RECQL4: variants seen among roughly 807,000 people sequenced by gnomAD.
The protein encoded by RECQL4 is RecQ like helicase 4.
A neutral mutation model predicts 128.6 loss-of-function variants in RECQL4; 158 were observed. The observed-to-expected ratio is 1.23, with a 90% confidence interval of 1.08 to 1.40. The LOEUF (loss-of-function observed/expected upper bound fraction) is 1.40. Among genes scored for constraint, RECQL4 ranks in the 40% most tolerant of loss-of-function variants. The pLI is 0.00. For missense variants in RECQL4, 2,293 were observed against 1,649.8 expected (o/e 1.39, Z -6.75); for synonymous variants, 996 against 678.9 (o/e 1.47, Z -7.26).
intron 5 of RECQL4, 49 bp from the exon 6 acceptor site, chr8:144,515,939 G>T (rs755070410): frequency 6.2e-7 from 1 of 1,612,238 alleles, no homozygotes. Flanking sequence ...ATACGGGAGG[G>T]CTGAGGGGAG....
Position 144,512,152 on chromosome 8 carries a change from G to A in RECQL4, c.3228C>T (p.Ala1076=), listed in dbSNP as rs1231644122. The A allele has an allele frequency of 4.4e-6, 7 of 1,608,290 alleles. No individual in the cohort carries two copies. The highest frequency in any genetic ancestry group is 4.0e-5 in the African/African-American group (3 of 75,002). The part of the protein sequence containing the change: ...ALARLRRTFQ[A]FHSVAFPSCG... ...GCCCGCCTCCTCCCAACCTGTGAAAGGCCTGGAAGGTTCTGCGCAGACGGG... is the reference window on the plus strand; with the variant it reads ...GCCCGCCTCCTCCCAACCTGTGAAAAGCCTGGAAGGTTCTGCGCAGACGGG... The change falls in exon 18 of 21, where the codon GCC becomes GCT. Residue 1076 remains alanine, a synonymous_variant. Coordinates refer to ENST00000617875, the MANE Select transcript of RECQL4 (RefSeq NM_004260.4).
Position 144,512,410 on chromosome 8 carries a change from C to T in RECQL4, c.3037G>A (p.Asp1013Asn), listed in dbSNP as rs1266261662. 6.2e-7 allele frequency: 1 copy of T among 1,607,290 alleles called. No individual in the cohort carries two copies. The highest frequency in any genetic ancestry group is 1.7e-5 in the Admixed American group (1 of 59,852). Reference sequence around the variant, plus strand: ...GGCGCACCTGTCCTGGGCTCGTGGTCCCACTGCAGCTGGCAGAGAGCCCGC... The same window carrying T: ...GGCGCACCTGTCCTGGGCTCGTGGTTCCACTGCAGCTGGCAGAGAGCCCGC... Reference protein sequence around the residue: ...VRRALCQLQWDHEPRTGVRRG... With the variant: ...VRRALCQLQWNHEPRTGVRRG... Residue 1013 changes from aspartate (D) to asparagine (N), a missense_variant, in exon 17 of 21, where the codon GAC becomes AAC. Coordinates refer to ENST00000617875, the MANE Select transcript of RECQL4 (RefSeq NM_004260.4).
At chr8:144,514,806 G>A (rs1827911493) in intron 9 of RECQL4, 130 bp downstream of exon 9, 1 of 1,182,630 alleles carries the variant, frequency 8.5e-7, no homozygotes, top group Non-Finnish European at 1.2e-6. Flanking sequence ...GCCAAGACTG[G>A]GACTGAGGCC....
intron 4 of RECQL4, 97 bp from the exon 5 acceptor site, chr8:144,516,861 A>T: frequency 2.2e-6 from 3 of 1,389,048 alleles, no homozygotes; most frequent in Non-Finnish European, 2.9e-6. Flanking sequence ...ATTGTAGAGC[A>T]GGCTAATTAG....
In RECQL4 at chr8:144,517,051, T is replaced by C. The variant is rs757435100; in HGVS notation, c.353A>G (p.Gln118Arg). 3.1e-6 allele frequency: 5 copies of C among 1,609,394 alleles called. No homozygotes were observed. Among genetic ancestry groups the C allele is most frequent in the Non-Finnish European group, 4.2e-6 (5 of 1,177,310 alleles). Reference protein sequence around the residue: ...RLKANLKGTLQAGPALGRRPW... With the variant: ...RLKANLKGTLRAGPALGRRPW... ...ACTCACTGCCTGCCCACTCCTCACC[T>C]GCAGGGTGCCTTTCAGATTGGCCTT... The change falls in exon 4 of 21, where the codon CAG (glutamine) becomes CGG (arginine). Residue 118 changes from glutamine (Q) to arginine (R), a missense_variant and splice_region_variant. Coordinates refer to ENST00000617875, the MANE Select transcript of RECQL4 (RefSeq NM_004260.4).
In RECQL4 at chr8:144,516,152, T is replaced by C; in HGVS notation, c.967A>G (p.Ser323Gly). ...SPSNPRYHGL[S>G]PSSQARAGKA... Reference sequence around the variant, plus strand: ...CCAGCCCTAGCTTGACTGGAGGGGCTGAGTCCGTGGTACCTGGGGTTCGAT... The same window carrying C: ...CCAGCCCTAGCTTGACTGGAGGGGCCGAGTCCGTGGTACCTGGGGTTCGAT... Residue 323 changes from serine to glycine, a missense_variant, in exon 5 of 21, where the codon AGC (serine) becomes GGC (glycine). Transcript: ENST00000617875. The C allele has an allele frequency of 6.2e-7, 1 of 1,613,306 alleles. No homozygotes were observed. Among genetic ancestry groups the C allele is most frequent in the Non-Finnish European group, 8.5e-7 (1 of 1,179,850 alleles).
Position 144,512,009 on chromosome 8 carries a change from T to C in RECQL4, c.3295A>G (p.Arg1099Gly), listed in dbSNP as rs766056345. The change falls in exon 19 of 21, where the codon AGG (arginine) becomes GGG (glycine). Residue 1099 changes from arginine to glycine, a missense_variant. By Grantham distance (125) the Arg-to-Gly change is moderately radical (BLOSUM62 -2). Transcript: ENST00000617875. Reference protein sequence around the residue: ...LEQQDEERSTRLKDLLGRYFE... With the variant: ...LEQQDEERSTGLKDLLGRYFE... ...TAGCGGCCGAGCAGGTCCTTGAGCCTGGTGCTGCGCTCCTCATCCTGCTGC... is the reference window on the plus strand; with the variant it reads ...TAGCGGCCGAGCAGGTCCTTGAGCCCGGTGCTGCGCTCCTCATCCTGCTGC... 13 of 1,609,334 alleles carry C rather than the reference T, an allele frequency of 8.1e-6. No homozygotes were observed. The highest frequency in any genetic ancestry group is 2.2e-5 in the East Asian group (1 of 44,796).
rs536096413 is a variant in RECQL4 at position 144,513,330 on chromosome 8, C to A, written c.2351G>T (p.Arg784Leu). The A allele has an allele frequency of 6.2e-7, 1 of 1,603,452 alleles. No individual in the cohort carries two copies. The highest frequency in any genetic ancestry group is 2.2e-5 in the East Asian group (1 of 44,852). The part of the protein sequence containing the change: ...FGMGLDRPDV[R>L]AVLHLGLPPS... ...GGGCAGCCCCAGATGCAGCACAGCC[C>A]GCACATCTGGCCGGTCCAGCCCCAT... Residue 784 changes from arginine (R) to leucine (L), a missense_variant, in exon 14 of 21, where the codon CGG becomes CTG. By Grantham distance (102) the Arg-to-Leu change is moderately radical. Coordinates refer to ENST00000617875, the MANE Select transcript of RECQL4 (RefSeq NM_004260.4).
At position 144,517,749 on chromosome 8, in the gene RECQL4, C is replaced by A; in HGVS notation, c.36G>T (p.Gln12His). The A allele has an allele frequency of 1.5e-6, 2 of 1,330,334 alleles. No individual in the cohort carries two copies. The highest frequency in any genetic ancestry group is 1.9e-6 in the Non-Finnish European group (2 of 1,038,400). The allele number at this position is 1,330,334 out of a possible 1,614,324, so 82.4% of individuals were successfully genotyped here. A position where few individuals can be genotyped will look rare whatever the true frequency, so the allele number is the denominator to read the frequency against. ...ERLRDVRERL[Q>H]AWERAFRRQR... ...GCCGTCGGAACGCGCGCTCCCACGC[C>A]TGCAGCCGCTCCCGCACGTCCCGCA... The change falls in exon 1 of 21, where the codon CAG becomes CAT. Residue 12 changes from glutamine to histidine, a missense_variant. Transcript: ENST00000617875.
rs1554897651 is a variant in RECQL4 at position 144,512,982 on chromosome 8, C to G, written c.2620G>C (p.Val874Leu). 8.9e-6 allele frequency: 14 copies of G among 1,570,078 alleles called. No homozygotes were observed. The highest frequency in any genetic ancestry group is 1.2e-5 in the Non-Finnish European group (14 of 1,158,130). The change falls in exon 15 of 21, where the codon GTG (valine) becomes CTG (leucine). Residue 874 changes from valine to leucine, a missense_variant. Coordinates refer to ENST00000617875, the MANE Select transcript of RECQL4 (RefSeq NM_004260.4). Reference sequence around the variant, plus strand: ...GCCTCTTGAGGGGGGTACTTGGGCACAGGCCTCTCCCCACCCACGGCCCCT... The same window carrying G: ...GCCTCTTGAGGGGGGTACTTGGGCAGAGGCCTCTCCCCACCCACGGCCCCT... ...QEGAVGGERP[V>L]PKYPPQEAEQ...
intron 12 of RECQL4, 55 bp from the exon 13 acceptor site, chr8:144,513,767 C>T (rs1310043902): frequency 1.5e-6 from 2 of 1,294,316 alleles, no homozygotes; most frequent in Admixed American, 2.7e-5. Context: ...TCGGCGTGTG[C>T]AGTGGGGAGT....
chr8:144,516,109 G>T lies in RECQL4; in HGVS notation c.1010C>A (p.Ala337Asp), dbSNP rs1434732916. The change falls in exon 5 of 21, where the codon GCC (alanine) becomes GAC (aspartate). Residue 337 changes from alanine (A) to aspartate (D), a missense_variant. Physicochemically the swap from Ala to Asp is moderately radical, Grantham distance 126. Transcript: ENST00000617875. ...QARAGKAEGT[A>D]PLHIFPRLAR... ...CAGCCGAGGGAAGATGTGCAGGGGGGCTGTGCCCTCAGCCTTCCCAGCCCT... is the reference window on the plus strand; with the variant it reads ...CAGCCGAGGGAAGATGTGCAGGGGGTCTGTGCCCTCAGCCTTCCCAGCCCT... The T allele has an allele frequency of 1.6e-5, 25 of 1,612,812 alleles. No individual in the cohort carries two copies. The highest frequency in any genetic ancestry group is 2.7e-5 in the African/African-American group (2 of 74,946).
intron 1 of RECQL4, 23 bp from the exon 2 acceptor site, chr8:144,517,658 G>C (rs558712857): frequency 6.8e-7 from 1 of 1,471,612 alleles, no homozygotes; most frequent in Non-Finnish European, 8.9e-7. Context: ...CGCGTCAGCC[G>C]CGGGCCGCGC....
In RECQL4 at chr8:144,513,700, G is replaced by C. The variant is rs1330868114; in HGVS notation, c.2071C>G (p.Leu691Val). The change falls in exon 13 of 21, where the codon CTG (leucine) becomes GTG (valine). Residue 691 changes from leucine to valine, a missense_variant. By Grantham distance (32) the Leu-to-Val change is conservative (BLOSUM62 1). Coordinates refer to ENST00000617875, the MANE Select transcript of RECQL4 (RefSeq NM_004260.4). ...TTTTGAAAACGTTTGCCTTGCAGCA[G>C]CGTCAACAGTGCCTGATGAGGAGCG... Reference protein sequence around the residue: ...DRDTDQALLTLLQGKRFQNLD... With the variant: ...DRDTDQALLTVLQGKRFQNLD... 1.9e-6 allele frequency: 3 copies of C among 1,550,410 alleles called. No homozygotes were observed. The highest frequency in any genetic ancestry group is 2.6e-6 in the Non-Finnish European group (3 of 1,147,126).
In RECQL4 at chr8:144,514,307, G is replaced by T. The variant is rs747307935; in HGVS notation, c.1760C>A (p.Ala587Glu). The stretch of plus-strand genomic sequence containing the variant: ...CTGTGCGGCTGGAGGGAGGCCTCCC[G>T]CCCCCACCAGTGCCTCAGGTGTCAG... ...LMLTPEALVG[A>E]GGLPPAAQLP... Residue 587 changes from alanine (A) to glutamate (E), a missense_variant, in exon 11 of 21, where the codon GCG becomes GAG. Ala to Glu is a moderately radical substitution (Grantham distance 107). Coordinates refer to ENST00000617875, the MANE Select transcript of RECQL4 (RefSeq NM_004260.4). The T allele has an allele frequency of 6.2e-7, 1 of 1,609,500 alleles. No homozygotes were observed. The highest frequency in any genetic ancestry group is 1.7e-5 in the Admixed American group (1 of 59,840).
rs2130661689 is a variant in RECQL4, at chr8:144,512,393, T to C, written c.3054A>G (p.Thr1018=). 1 of 1,606,526 alleles carries C rather than the reference T, an allele frequency of 6.2e-7. No homozygotes were observed. Among genetic ancestry groups the C allele is most frequent in the Non-Finnish European group, 8.5e-7 (1 of 1,175,534 alleles). The change falls in exon 17 of 21, where the codon ACA becomes ACG. Residue 1018 remains threonine (T), a splice_region_variant and synonymous_variant. Coordinates refer to ENST00000617875, the MANE Select transcript of RECQL4 (RefSeq NM_004260.4). ...CQLQWDHEPR[T]GVRRGTGVLV... Reference sequence around the variant, plus strand: ...GGTGTGGGGTGGGGAGAGGCGCACCTGTCCTGGGCTCGTGGTCCCACTGCA... The same window carrying C: ...GGTGTGGGGTGGGGAGAGGCGCACCCGTCCTGGGCTCGTGGTCCCACTGCA...
rs747467559 is a variant in RECQL4 at position 144,512,135 on chromosome 8, C to T, written c.3236+9G>A. 141 of 1,604,496 alleles carry T rather than the reference C, an allele frequency of 8.8e-5. No individual in the cohort carries two copies. The highest frequency in any genetic ancestry group is 2.8e-4 in the South Asian group (25 of 90,382). ...GGATGGTCCCAGGCCCCGCCCGCCT[C>T]CTCCCAACCTGTGAAAGGCCTGGAA... On this transcript the variant is annotated intron_variant, in intron 18 of 20. Coordinates refer to ENST00000617875, the MANE Select transcript of RECQL4 (RefSeq NM_004260.4).
rs767593371 is a variant in RECQL4 at position 144,517,131 on chromosome 8, C to CT, written c.272dup (p.Ser92ValfsTer45). On this transcript the variant is annotated frameshift_variant, in exon 4 of 21. Transcript: ENST00000617875. LOFTEE classifies it high-confidence loss of function. ...CCTGGCGGCTCCGCCCTGGCGTAGA[C>CT]TGTGGACTCTTGGTCGCAGCCCGAT... 6.2e-7 allele frequency: 1 copy of CT among 1,611,914 alleles called. No homozygotes were observed. The highest frequency in any genetic ancestry group is 8.5e-7 in the Non-Finnish European group (1 of 1,179,636).
chr8:144,514,198 G>A lies in RECQL4; in HGVS notation c.1869C>T (p.Arg623=), dbSNP rs368736533. ...WSHNFRPCYL[R]VCKVLRERMG... ...TTCACATATGGCTCACCTTGCAGAC[G>A]CGCAGGTAGCAGGGCCGGAAGTTGT... Residue 623 remains arginine, a synonymous_variant, in exon 11 of 21, where the codon CGC becomes CGT. Transcript: ENST00000617875. The A allele has an allele frequency of 8.9e-5, 144 of 1,612,124 alleles. No homozygotes were observed. Among genetic ancestry groups the A allele is most frequent in the Non-Finnish European group, 1.1e-4 (130 of 1,179,720 alleles).
Sources: gnomAD v4.1 joint callset for allele counts on GRCh38, gnomAD v4.1.1 for gene constraint, MANE v1.5 for transcripts, NCBI Gene and HGNC (gene_info 2026-07-23, HGNC 2026-07-21) for gene names.